The following ZNF416 variants were observed in gnomAD, a reference collection of about 807,000 sequenced individuals.
The protein encoded by ZNF416 is zinc finger protein 416.
A neutral mutation model predicts 10.9 loss-of-function variants in ZNF416; 5 were observed. The observed-to-expected ratio is 0.46, with a 90% CI of 0.24 to 0.97. The LOEUF (loss-of-function observed/expected upper bound fraction) is 0.97, where lower values mean the gene tolerates loss of function less well. ZNF416 is among the 50% of genes least tolerant of loss of function. The pLI is 0.19. For synonymous variants in ZNF416, 267 were observed against 251.8 expected, an observed-to-expected ratio of 1.06 and a Z score of -0.57; for missense variants, 675 against 715.0, an observed-to-expected ratio of 0.94 and a Z score of 0.64.
At position 57,572,354 on chromosome 19, in the gene ZNF416, G is replaced by A; in HGVS notation, c.1550C>T (p.Thr517Ile). 6.2e-7 allele frequency: 1 copy of A among 1,614,212 alleles called. No homozygotes were observed. The highest frequency in any genetic ancestry group is 8.5e-7 in the Non-Finnish European group (1 of 1,180,046). Residue 517 changes from threonine to isoleucine, a missense_variant, in exon 4 of 4, where the codon ACT becomes ATT. Physicochemically the swap from Thr to Ile is moderately conservative, Grantham distance 89 (BLOSUM62 -1). Transcript: ENST00000196489. The surrounding 1 kb of genome is among the most constrained non-coding windows in gnomAD (Gnocchi z 4.5). ...TCCACAGTCGTAAGGCCTTAATCCA[G>A]TGTGAATTTTCTGGTGTTCAACGAG... ...YTLVEHQKIH[T>I]GLRPYDCGQC...
chr19:57,578,629 C>A, intron 1 of ZNF416, 43 bp downstream of exon 1: 2 of 1,514,936 alleles, frequency 1.3e-6, no homozygotes, highest in Non-Finnish European at 1.8e-6. Flanking sequence ...TGTTGGATTT[C>A]CGGCGGAGAG....
At chr19:57,578,628 T>C in intron 1 of ZNF416, 44 bp downstream of exon 1, 1 of 1,515,828 alleles carries the variant, frequency 6.6e-7, no homozygotes, top group Non-Finnish European at 8.8e-7. Context: ...GTGTTGGATT[T>C]CCGGCGGAGA....
At position 57,572,135 on chromosome 19, in the gene ZNF416, C is replaced by A. The variant is rs2090196466; in HGVS notation, c.1769G>T (p.Arg590Ile). ...SSKCGKPYSP[R>I]SNIV ...TTTCAAGAGTTAAACAATGTTAGAT[C>A]TTGGGCTGTAGGGTTTTCCACATTT... Residue 590 changes from arginine (R) to isoleucine (I), a missense_variant, in exon 4 of 4, where the codon AGA (arginine) becomes ATA (isoleucine). Arg to Ile is a moderately conservative substitution (Grantham distance 97). Coordinates refer to ENST00000196489, the MANE Select transcript of ZNF416 (RefSeq NM_017879.3). The surrounding 1 kb of genome is among the most constrained non-coding windows in gnomAD (Gnocchi z 4.5). 6.2e-7 allele frequency: 1 copy of A among 1,612,336 alleles called. No individual in the cohort carries two copies. Among genetic ancestry groups the A allele is most frequent in the Non-Finnish European group, 8.5e-7 (1 of 1,178,614 alleles).
At position 57,572,533 on chromosome 19, in the gene ZNF416, G is replaced by A; in HGVS notation, c.1371C>T (p.His457=). 6.2e-7 allele frequency: 1 copy of A among 1,613,974 alleles called. No homozygotes were observed. Among genetic ancestry groups the A allele is most frequent in the Non-Finnish European group, 8.5e-7 (1 of 1,179,986 alleles). Residue 457 remains histidine (H), a synonymous_variant, in exon 4 of 4, where the codon CAC becomes CAT. Coordinates refer to ENST00000196489, the MANE Select transcript of ZNF416 (RefSeq NM_017879.3). This position sits in a 1 kb window ranked among gnomAD's most constrained non-coding sequence, Gnocchi z 4.5. ...FSQRTTLNKH[H]KVHTAERPYV... is the part of the protein sequence containing the mutation. Reference sequence around the variant, plus strand: ...AAGGCCTTTCTGCAGTGTGAACTTTGTGGTGTTTATTGAGGGTGGTTCTTT... The same window carrying A: ...AAGGCCTTTCTGCAGTGTGAACTTTATGGTGTTTATTGAGGGTGGTTCTTT...
At chr19:57,576,078 C>A (rs1978525843) in intron 2 of ZNF416, 148 bp from the exon 3 acceptor site, 1 of 981,158 alleles carries the variant, frequency 1.0e-6, no homozygotes, top group Non-Finnish European at 1.5e-6. Context: ...TGATTCCTGC[C>A]CTCTCCTCAT....
At chr19:57,573,808 C>T in intron 3 of ZNF416, 107 bp from the exon 4 acceptor site, 1 of 1,417,058 alleles carries the variant, frequency 7.1e-7, no homozygotes. Context: ...ATCTTAAAAA[C>T]TTTGCTGGCC....
Position 57,573,387 on chromosome 19 carries a change from T to G in ZNF416, c.517A>C (p.Ser173Arg), listed in dbSNP as rs1335907115. Residue 173 changes from serine to arginine, a missense_variant, in exon 4 of 4, where the codon AGC becomes CGC. Physicochemically the swap from Ser to Arg is moderately radical, Grantham distance 110. Transcript: ENST00000196489. ...AGGAAGTCCTTCCCAACCTCACTGCTGGTGAAAGGCATTCCTGACTCATGG... is the reference window on the plus strand; with the variant it reads ...AGGAAGTCCTTCCCAACCTCACTGCGGGTGAAAGGCATTCCTGACTCATGG... Reference protein sequence around the residue: ...LFHESGMPFTSSEVGKDFLAP... With the variant: ...LFHESGMPFTRSEVGKDFLAP... The G allele has an allele frequency of 1.2e-6, 2 of 1,614,136 alleles. No individual in the cohort carries two copies. The highest frequency in any genetic ancestry group is 1.7e-6 in the Non-Finnish European group (2 of 1,180,056).
At position 57,573,200 on chromosome 19, in the gene ZNF416, A is replaced by G. The variant is rs532133735; in HGVS notation, c.704T>C (p.Val235Ala). Residue 235 changes from valine to alanine, a missense_variant, in exon 4 of 4, where the codon GTC becomes GCC. Transcript: ENST00000196489. The part of the protein sequence containing the change: ...SHKHTFFHPR[V>A]CTGKRLYESS... ...TTCATAAAGCCTTTTTCCAGTGCAG[A>G]CTCTAGGGTGAAAAAAAGTGTGTTT... 6.2e-7 allele frequency: 1 copy of G among 1,614,014 alleles called. No homozygotes were observed. Among genetic ancestry groups the G allele is most frequent in the South Asian group, 1.1e-5 (1 of 91,080 alleles).
At position 57,572,560 on chromosome 19, in the gene ZNF416, G is replaced by A; in HGVS notation, c.1344C>T (p.Ser448=). The change falls in exon 4 of 4, where the codon AGC becomes AGT. Residue 448 remains serine, a synonymous_variant. Transcript: ENST00000196489. This position sits in a 1 kb window ranked among gnomAD's most constrained non-coding sequence, Gnocchi z 4.5. The part of the protein sequence containing the change: ...FECDECGKSF[S]QRTTLNKHHK... Reference sequence around the variant, plus strand: ...GGTGTTTATTGAGGGTGGTTCTTTGGCTAAAGGATTTTCCGCACTCATCAC... The same window carrying A: ...GGTGTTTATTGAGGGTGGTTCTTTGACTAAAGGATTTTCCGCACTCATCAC... The A allele has an allele frequency of 3.1e-6, 5 of 1,614,036 alleles. No homozygotes were observed. Among genetic ancestry groups the A allele is most frequent in the Non-Finnish European group, 4.2e-6 (5 of 1,180,008 alleles).
chr19:57,578,716 C>A lies in ZNF416; in HGVS notation c.-12G>T. Reference sequence around the variant, plus strand: ...ACGGCCGCCGCCATCGGATTGTGAGCGGAGCGGGGCCGGGAGCGGCGGGCG... The same window carrying A: ...ACGGCCGCCGCCATCGGATTGTGAGAGGAGCGGGGCCGGGAGCGGCGGGCG... On this transcript the variant is annotated 5_prime_UTR_variant, in exon 1 of 4. Coordinates refer to ENST00000196489, the MANE Select transcript of ZNF416 (RefSeq NM_017879.3). 2.0e-6 allele frequency: 3 copies of A among 1,503,432 alleles called. No homozygotes were observed. Among genetic ancestry groups the A allele is most frequent in the East Asian group, 2.7e-5 (1 of 37,406 alleles). The allele number at this position is 1,503,432 out of a possible 1,614,324, so 93.1% of individuals were successfully genotyped here.
At position 57,572,712 on chromosome 19, in the gene ZNF416, C is replaced by A. The variant is rs372660403; in HGVS notation, c.1192G>T (p.Val398Phe). ...GTAGTGTGAATTCTCTGGTGTACAA[C>A]AAGGCTGAAGCTTTGTCTGAATAAT... ...GKLFRQSFSL[V>F]VHQRIHTTAR... The change falls in exon 4 of 4, where the codon GTT (valine) becomes TTT (phenylalanine). Residue 398 changes from valine (V) to phenylalanine (F), a missense_variant. Physicochemically the swap from Val to Phe is conservative, Grantham distance 50. Coordinates refer to ENST00000196489, the MANE Select transcript of ZNF416 (RefSeq NM_017879.3). The surrounding 1 kb of genome is among the most constrained non-coding windows in gnomAD (Gnocchi z 4.5). 1.2e-5 allele frequency: 19 copies of A among 1,613,790 alleles called. No homozygotes were observed. The African/African-American group carries it at 2.0e-4, about 17-fold the overall frequency.
In ZNF416 at chr19:57,575,996, C is replaced by A. The variant is rs1978522644; in HGVS notation, c.76-66G>T. On this transcript the variant is annotated intron_variant, in intron 2 of 3. Coordinates refer to ENST00000196489, the MANE Select transcript of ZNF416 (RefSeq NM_017879.3). The surrounding 1 kb of genome is among the most constrained non-coding windows in gnomAD (Gnocchi z 4.4). ...TCCTAGGACCCCAAGTTCATGCCCCCCACACATCCTTTCCCTGCTTATCCC... is the reference window on the plus strand; with the variant it reads ...TCCTAGGACCCCAAGTTCATGCCCCACACACATCCTTTCCCTGCTTATCCC... 6.4e-7 allele frequency: 1 copy of A among 1,570,664 alleles called. No individual in the cohort carries two copies. Among genetic ancestry groups the A allele is most frequent in the Non-Finnish European group, 8.7e-7 (1 of 1,155,308 alleles).
Position 57,572,532 on chromosome 19 carries a change from TGTG to T in ZNF416, c.1369_1371del (p.His457del). The T allele has an allele frequency of 2.5e-6, 4 of 1,614,142 alleles. No homozygotes were observed. Among genetic ancestry groups the T allele is most frequent in the Non-Finnish European group, 3.4e-6 (4 of 1,180,028 alleles). On this transcript the variant is annotated inframe_deletion, in exon 4 of 4. Transcript: ENST00000196489. The surrounding 1 kb of genome is among the most constrained non-coding windows in gnomAD (Gnocchi z 4.5). ...TAAGGCCTTTCTGCAGTGTGAACTT[TGTG>T]GTGTTTATTGAGGGTGGTTCTTTGG...
chr19:57,578,498 C>A, intron 1 of ZNF416, 174 bp downstream of exon 1: 1 of 689,906 alleles, frequency 1.4e-6, no homozygotes, highest in Non-Finnish European at 2.2e-6. Flanking sequence ...CCTCCGCCTG[C>A]CACACCCTCC....
In ZNF416 at chr19:57,572,533, G is replaced by T. The variant is rs761223467; in HGVS notation, c.1371C>A (p.His457Gln). ...AAGGCCTTTCTGCAGTGTGAACTTT[G>T]TGGTGTTTATTGAGGGTGGTTCTTT... ...FSQRTTLNKH[H>Q]KVHTAERPYV... The change falls in exon 4 of 4, where the codon CAC becomes CAA. Residue 457 changes from histidine (H) to glutamine (Q), a missense_variant. His to Gln is a conservative substitution (Grantham distance 24). Coordinates refer to ENST00000196489, the MANE Select transcript of ZNF416 (RefSeq NM_017879.3). This position sits in a 1 kb window ranked among gnomAD's most constrained non-coding sequence, Gnocchi z 4.5. 7.4e-6 allele frequency: 12 copies of T among 1,613,974 alleles called. No individual in the cohort carries two copies. In the East Asian group the frequency reaches 2.7e-4, roughly 36 times the overall value.
rs1449505979 is a variant in ZNF416 at position 57,573,299 on chromosome 19, C to A, written c.605G>T (p.Ser202Ile). 1 of 1,614,240 alleles carries A rather than the reference C, an allele frequency of 6.2e-7. No individual in the cohort carries two copies. The highest frequency in any genetic ancestry group is 8.5e-7 in the Non-Finnish European group (1 of 1,180,032). Residue 202 changes from serine to isoleucine, a missense_variant, in exon 4 of 4, where the codon AGC (serine) becomes ATC (isoleucine). Coordinates refer to ENST00000196489, the MANE Select transcript of ZNF416 (RefSeq NM_017879.3). ...IANYEKPNKI[S>I]KCEEAFHVGI... is the part of the protein sequence containing the mutation. ...AACATGAAAGGCCTCCTCACATTTG[C>A]TGATTTTGTTTGGCTTCTCATAGTT... is the stretch of plus-strand genomic sequence containing the variant.
At chr19:57,576,345 C>T (rs2123397452) in intron 2 of ZNF416, among the ~76,000 whole-genome samples, 1 of 152,252 alleles carries the variant, frequency 6.6e-6, no homozygotes, top group East Asian at 1.9e-4. Flanking sequence ...AGCACACACT[C>T]TCTCAAACAA....
Position 57,575,104 on chromosome 19 carries a change from C to A in ZNF416, c.202+700G>T, listed in dbSNP as rs1281848366. 6.6e-6 allele frequency among the ~76,000 whole-genome samples: 1 copy of A among 152,176 alleles called. No individual in the cohort carries two copies. The highest frequency in any genetic ancestry group is 1.5e-5 in the Non-Finnish European group (1 of 68,050). ...AATGAGATGTGTCCAGTGGCATTAG[C>A]ACCAAACTCTGGATGACACAGGGCA... On this transcript the variant is annotated intron_variant, in intron 3 of 3. Transcript: ENST00000196489. The surrounding 1 kb of genome is among the most constrained non-coding windows in gnomAD (Gnocchi z 4.4).
At chr19:57,578,621 T>A in intron 1 of ZNF416, 51 bp downstream of exon 1, 1 of 1,506,498 alleles carries the variant, frequency 6.6e-7, no homozygotes, top group Non-Finnish European at 8.9e-7. Flanking sequence ...ATGCAGGGTG[T>A]TGGATTTCCG....
Sources: allele counts gnomAD v4.1 joint callset (sites outside exome capture counted in the v4.1 genomes callset), GRCh38; gene constraint gnomAD v4.1.1; non-coding constraint Gnocchi (gnomAD v3.1); transcripts MANE v1.5; gene names NCBI Gene and HGNC (gene_info 2026-07-23, HGNC 2026-07-21).